The following FBN1 variants were observed in gnomAD, a reference collection of about 807,000 sequenced individuals.
FBN1 encodes fibrillin 1.
Under a neutral mutation model 365.1 loss-of-function variants are expected in FBN1, and 29 were observed. The ratio of observed to expected loss-of-function variants is 0.08; its 90% confidence interval spans 0.06 to 0.11. The LOEUF is 0.11. Ranked by LOEUF, FBN1 falls within the 10% of genes least tolerant of loss-of-function variation. FBN1 has a pLI of 1.00. For missense variants in FBN1, 2,476 were observed against 3,703.2 expected (o/e 0.67, Z 8.60); for synonymous variants, 1,210 against 1,270.5 (o/e 0.95, Z 1.01).
intron 56 of FBN1, among the ~76,000 whole-genome samples, chr15:48,430,105 T>A (rs73392129): frequency 0.018 from 2,762 of 152,298 alleles, 73 homozygotes; most frequent in African/African-American, 0.059. Context: ...AAACACACAG[T>A]GGGCTGGCAG....
At chr15:48,607,671 A>G (rs1464911148) in intron 4 of FBN1, among the ~76,000 whole-genome samples, 1 of 152,122 alleles carries the variant, frequency 6.6e-6, no homozygotes, top group East Asian at 1.9e-4. Flanking sequence ...TAGAACTGTA[A>G]AAAAATACAT....
intron 2 of FBN1, among the ~76,000 whole-genome samples, chr15:48,626,708 GT>G (rs907450112): frequency 7.3e-4 from 109 of 149,246 alleles, no homozygotes; most frequent in Admixed American, 1.3e-3. Context: ...AAAAACTTAA[GT>G]TTTTTTTTTA....
chr15:48,596,446 T>C, intron 5 of FBN1, 68 bp from the exon 6 acceptor site: 2 of 1,440,150 alleles, frequency 1.4e-6, no homozygotes, highest in Non-Finnish European at 2.0e-6. Flanking sequence ...ACACTTGTGG[T>C]CCTCTGGAAG....
At chr15:48,470,520 C>G in intron 36 of FBN1, 114 bp downstream of exon 36, 3 of 1,384,846 alleles carry the variant, frequency 2.2e-6, no homozygotes, top group Admixed American at 3.4e-5. Context: ...CTTAATACTT[C>G]CCCCTTGCTT....
intron 44 of FBN1, among the ~76,000 whole-genome samples, chr15:48,453,075 G>A (rs997776486): frequency 1.3e-5 from 2 of 152,084 alleles, no homozygotes; most frequent in Non-Finnish European, 2.9e-5. Flanking sequence ...TGACCAACAT[G>A]GTGAAACCCC....
chr15:48,635,729 T>G (rs190963424), intron 2 of FBN1, among the ~76,000 whole-genome samples: 3 of 152,378 alleles, frequency 2.0e-5, no homozygotes, highest in Admixed American at 2.0e-4. Flanking sequence ...TTAGATGTTT[T>G]GAAATTCTCA....
intron 15 of FBN1, among the ~76,000 whole-genome samples, chr15:48,507,296 C>A (rs2043717972): frequency 1.3e-5 from 2 of 152,040 alleles, no homozygotes; most frequent in Admixed American, 1.3e-4. Context: ...ATTCTCTTCC[C>A]TTTTCTTTTT....
chr15:48,445,394 C>A lies in FBN1; in HGVS notation c.5899G>T (p.Asp1967Tyr), dbSNP rs776999627. 1.6e-5 allele frequency: 25 copies of A among 1,612,676 alleles called. No individual in the cohort carries two copies. The highest frequency in any genetic ancestry group is 2.1e-5 in the Non-Finnish European group (25 of 1,179,200). ...QCNEGYEVAP[D>Y]GRTCVDINEC... ...TACTTACCCACACAGGTCCTCCCAT[C>A]TGGAGCCACCTCATAGCCTTCATTG... The change falls in exon 48 of 66, where the codon GAT becomes TAT. Residue 1967 changes from aspartate to tyrosine, a missense_variant. Physicochemically the swap from Asp to Tyr is radical, Grantham distance 160. Around this residue, in one of 5 missense-constraint regions of FBN1, gnomAD observed 1,780 missense variants for 2,840.8 expected, o/e 0.63. Coordinates refer to ENST00000316623, the MANE Select transcript of FBN1 (RefSeq NM_000138.5).
At chr15:48,454,774 C>CA (rs2043226988) in intron 44 of FBN1, among the ~76,000 whole-genome samples, 1 of 152,198 alleles carries the variant, frequency 6.6e-6, no homozygotes, top group East Asian at 1.9e-4. Flanking sequence ...TCAGGACTGT[C>CA]AGTCAGTCAG....
intron 35 of FBN1, 34 bp from the exon 36 acceptor site, chr15:48,470,790 A>C: frequency 6.2e-7 from 1 of 1,606,656 alleles, no homozygotes; most frequent in South Asian, 1.1e-5. Flanking sequence ...AAAAAACTTA[A>C]CTTATATTTT....
At chr15:48,629,002 A>G (rs1345068072) in intron 2 of FBN1, among the ~76,000 whole-genome samples, 1 of 152,204 alleles carries the variant, frequency 6.6e-6, no homozygotes, top group Non-Finnish European at 1.5e-5. Context: ...GGACCATACC[A>G]CTGGAATGCA....
At chr15:48,640,339 C>A (rs1890176381) in intron 2 of FBN1, among the ~76,000 whole-genome samples, 1 of 151,852 alleles carries the variant, frequency 6.6e-6, no homozygotes, top group Non-Finnish European at 1.5e-5. Context: ...AAATTGTGTC[C>A]CAATATTTTA....
intron 3 of FBN1, among the ~76,000 whole-genome samples, chr15:48,612,100 T>C (rs1403621866): frequency 6.6e-6 from 1 of 152,238 alleles, no homozygotes; most frequent in Non-Finnish European, 1.5e-5. Flanking sequence ...ATTATATTTC[T>C]CTTTTAGTGA....
intron 32 of FBN1, chr15:48,476,613 T>TC (rs199840756): frequency 0.015 from 2,159 of 143,450 alleles, 60 homozygotes; most frequent in African/African-American, 0.056. Context: ...TTCTTTTCTT[T>TC]TTTTTTTTTT....
intron 55 of FBN1, among the ~76,000 whole-genome samples, chr15:48,431,861 G>A (rs952942136): frequency 2.0e-5 from 3 of 151,096 alleles, no homozygotes; most frequent in Non-Finnish European, 4.4e-5. Context: ...CACTATGTTG[G>A]TCAGGCTGGT....
chr15:48,509,938 C>A, intron 14 of FBN1, 106 bp downstream of exon 14: 1 of 1,197,954 alleles, frequency 8.3e-7, no homozygotes, highest in Non-Finnish European at 1.2e-6. Flanking sequence ...ATATATAAAA[C>A]ATATTTGATA....
chr15:48,508,832 T>G, intron 14 of FBN1, 128 bp from the exon 15 acceptor site: 1 of 1,086,284 alleles, frequency 9.2e-7, no homozygotes. Context: ...AAGGCTAACT[T>G]TCATCCAAAT....
At chr15:48,442,942 G>A (rs1042747284) in intron 49 of FBN1, among the ~76,000 whole-genome samples, 2 of 152,030 alleles carry the variant, frequency 1.3e-5, no homozygotes, top group African/African-American at 4.8e-5. Context: ...TTGTGCAAAG[G>A]TTTCTACTCA....
At chr15:48,604,467 T>G (rs1405525393) in intron 4 of FBN1, among the ~76,000 whole-genome samples, 3 of 152,198 alleles carry the variant, frequency 2.0e-5, no homozygotes, top group Non-Finnish European at 4.4e-5. Context: ...AGCAATGGCA[T>G]TTCCCTTAAG....
Sources: gnomAD v4.1 joint callset for allele counts (sites outside exome capture counted in the v4.1 genomes callset) on GRCh38, gnomAD v4.1.1 for gene constraint, gnomAD v4.1.1 regional missense constraint, MANE v1.5 for transcripts, NCBI Gene and HGNC (gene_info 2026-07-23, HGNC 2026-07-21) for gene names.